FBXW2: variants seen among roughly 807,000 people sequenced by gnomAD.
FBXW2 encodes the protein F-box and WD repeat domain containing 2.
Under a neutral mutation model 46.0 loss-of-function variants are expected in FBXW2, and 12 were observed. The observed-to-expected ratio is 0.26, with a 90% CI of 0.17 to 0.42. FBXW2 has a LOEUF of 0.42. Among genes scored for constraint, FBXW2 ranks in the 10% least tolerant of loss-of-function variants. FBXW2 has a pLI of 1.00. For synonymous variants in FBXW2, 203 were observed against 209.6 expected (o/e 0.97, Z 0.27); for missense variants, 360 against 537.0 (o/e 0.67, Z 3.26).
Position 120,771,421 on chromosome 9 carries a change from C to G in FBXW2, c.1003G>C (p.Asp335His), listed in dbSNP as rs1270412818. Residue 335 changes from aspartate (D) to histidine (H), a missense_variant, in exon 7 of 8, where the codon GAT (aspartate) becomes CAT (histidine). Asp to His is a moderately conservative substitution (Grantham distance 81, BLOSUM62 -1). Coordinates refer to ENST00000608872, the MANE Select transcript of FBXW2 (RefSeq NM_012164.4). The stretch of plus-strand genomic sequence containing the variant: ...GAACTACAGACAATGTATTTGCCAT[C>G]AAAATGAAGTCTTGGCTGCAGGCAG... ...SICLQPRLHF[D>H]GKYIVCSSAL... 6.2e-7 allele frequency: 1 copy of G among 1,614,058 alleles called. No individual in the cohort carries two copies. Among genetic ancestry groups the G allele is most frequent in the African/African-American group, 1.3e-5 (1 of 74,914 alleles).
At chr9:120,773,820 A>C (rs886926974) in intron 5 of FBXW2, among the ~76,000 whole-genome samples, 6 of 152,222 alleles carry the variant, frequency 3.9e-5, no homozygotes, top group Admixed American at 3.9e-4. Context: ...CCAAGACATC[A>C]CCGTCAGTGT....
At chr9:120,793,039 G>C (rs1272797519) in intron 2 of FBXW2, 110 bp downstream of exon 2, 1 of 1,258,222 alleles carries the variant, frequency 7.9e-7, no homozygotes, top group Admixed American at 2.0e-5. Flanking sequence ...GGCAGTAGGA[G>C]GCAGTAACTC....
At chr9:120,791,827 T>C (rs2131389306) in intron 2 of FBXW2, among the ~76,000 whole-genome samples, 1 of 152,248 alleles carries the variant, frequency 6.6e-6, no homozygotes, top group African/African-American at 2.4e-5. Flanking sequence ...TTGGCCCCCT[T>C]ACCCTACGTC....
intron 5 of FBXW2, among the ~76,000 whole-genome samples, chr9:120,773,145 C>T (rs1459064490): frequency 6.6e-6 from 1 of 151,388 alleles, no homozygotes. Context: ...TATGATTGCA[C>T]CACTGCACTC....
rs112844172 is a variant in FBXW2 at position 120,779,036 on chromosome 9, C to T, written c.491-491G>A. 6.0e-3 allele frequency among the ~76,000 whole-genome samples: 911 copies of T among 152,314 alleles called. 14 individuals are homozygous for T. Among genetic ancestry groups the T allele is most frequent in the African/African-American group, 0.02 (844 of 41,560 alleles). ...GCAAGTCAAGGACAAACCTCAGAGC[C>T]TGGGCTAACTTCTGCAAAAGCTAAC... is the stretch of plus-strand genomic sequence containing the variant. On this transcript the variant is annotated intron_variant, in intron 3 of 7. Transcript: ENST00000608872.
In FBXW2 at chr9:120,763,784, T is replaced by TC. The variant is rs1212060629; in HGVS notation, c.*774dup. 6.6e-6 allele frequency: 1 copy of TC among 152,176 alleles called. No homozygotes were observed. The highest frequency in any genetic ancestry group is 2.4e-5 in the African/African-American group (1 of 41,428). 9.4% of individuals were successfully genotyped at this position (152,176 alleles called of 1,614,324 possible). A position where few individuals can be genotyped will look rare whatever the true frequency, so the allele number is the denominator to read the frequency against. ...CTGGGACCCAGAGAGGGTGCAGAGT[T>TC]CCAGGGTAAGAGGCCCGGTCTCTAA... is the stretch of plus-strand genomic sequence containing the variant. On this transcript the variant is annotated 3_prime_UTR_variant, in exon 8 of 8. Transcript: ENST00000608872.
At chr9:120,777,207 T>G (rs2044515296) in intron 4 of FBXW2, among the ~76,000 whole-genome samples, 1 of 152,240 alleles carries the variant, frequency 6.6e-6, no homozygotes. Flanking sequence ...ATCTTAACAT[T>G]GTGGAACATA....
intron 3 of FBXW2, among the ~76,000 whole-genome samples, chr9:120,786,379 T>G (rs1049265826): frequency 6.6e-6 from 1 of 152,210 alleles, no homozygotes; most frequent in African/African-American, 2.4e-5. Flanking sequence ...CCTGCTGCCT[T>G]GTGAACAAGG....
At chr9:120,766,608 A>G (rs12115491) in intron 7 of FBXW2, among the ~76,000 whole-genome samples, 21,819 of 151,866 alleles carry the variant, frequency 0.14, 1,671 homozygotes, top group Middle Eastern at 0.18. Flanking sequence ...GGGATTACAG[A>G]TGCCCGCCAC....
In FBXW2 at chr9:120,764,427, T is replaced by C. The variant is rs963809824; in HGVS notation, c.*132A>G. The C allele has an allele frequency of 3.8e-6, 4 of 1,062,630 alleles. No homozygotes were observed. The African/African-American group carries it at 6.4e-5, about 17-fold the overall frequency. The allele number at this position is 1,062,630 out of a possible 1,614,324, so 65.8% of individuals were successfully genotyped here. On this transcript the variant is annotated 3_prime_UTR_variant, in exon 8 of 8. Coordinates refer to ENST00000608872, the MANE Select transcript of FBXW2 (RefSeq NM_012164.4). ...GCCCTGGCCCCTGGCAAAACATAGA[T>C]AAATGATTGTGCACTGCGTGATGAT...
intron 3 of FBXW2, among the ~76,000 whole-genome samples, chr9:120,779,215 T>C (rs1588039881): frequency 6.6e-6 from 1 of 152,242 alleles, no homozygotes; most frequent in Non-Finnish European, 1.5e-5. Flanking sequence ...CTGCCTCTGA[T>C]GAAAATTCTA....
Position 120,777,346 on chromosome 9 carries a change from G to A in FBXW2, c.685+1005C>T, listed in dbSNP as rs910433154. Among the ~76,000 whole-genome samples, 5 of 152,200 alleles carry A rather than the reference G, an allele frequency of 3.3e-5. No homozygotes were observed. In the East Asian group the frequency reaches 5.8e-4, roughly 18 times the overall value. ...ACAAATAAAATGAAGCAAAAAATAC[G>A]TGTTTTTATTAGCCTAACGGCTAGT... On this transcript the variant is annotated intron_variant, in intron 4 of 7. Transcript: ENST00000608872.
intron 3 of FBXW2, among the ~76,000 whole-genome samples, chr9:120,783,749 C>T (rs2044663868): frequency 6.6e-6 from 1 of 152,138 alleles, no homozygotes. Flanking sequence ...AGTAGGCATC[C>T]CATAAGTAAA....
intron 7 of FBXW2, among the ~76,000 whole-genome samples, chr9:120,769,933 T>C (rs2044341152): frequency 6.6e-6 from 1 of 152,222 alleles, no homozygotes; most frequent in African/African-American, 2.4e-5. Flanking sequence ...TTCTGACAGC[T>C]CTGAAACCTA....
At chr9:120,784,782 G>A (rs555356490) in intron 3 of FBXW2, among the ~76,000 whole-genome samples, 9 of 151,870 alleles carry the variant, frequency 5.9e-5, no homozygotes, top group African/African-American at 2.2e-4. Flanking sequence ...TAGCCGGGCT[G>A]TGGTGGCGCG....
chr9:120,792,994 T>C, intron 2 of FBXW2, 155 bp downstream of exon 2: 1 of 1,527,498 alleles, frequency 6.5e-7, no homozygotes, highest in Non-Finnish European at 8.8e-7. Flanking sequence ...CCCTGGGACA[T>C]CACTGTTAAC....
rs897095042 is a variant in FBXW2 at position 120,762,500 on chromosome 9, C to A, written c.*2059G>T. 1 of 152,134 alleles carries A rather than the reference C, an allele frequency of 6.6e-6. No individual in the cohort carries two copies. The highest frequency in any genetic ancestry group is 1.5e-5 in the Non-Finnish European group (1 of 68,022). 9.4% of individuals were successfully genotyped at this position (152,134 alleles called of 1,614,324 possible). A position where few individuals can be genotyped will look rare whatever the true frequency, so the allele number is the denominator to read the frequency against. Reference sequence around the variant, plus strand: ...AGAACTCAATGTGAGATAGATTAAACCCAGATTTTGTGGGATGGGGGAAGA... The same window carrying A: ...AGAACTCAATGTGAGATAGATTAAAACCAGATTTTGTGGGATGGGGGAAGA... On this transcript the variant is annotated 3_prime_UTR_variant, in exon 8 of 8. Transcript: ENST00000608872.
At chr9:120,789,206 A>C (rs958643529) in intron 2 of FBXW2, among the ~76,000 whole-genome samples, 9 of 152,212 alleles carry the variant, frequency 5.9e-5, no homozygotes, top group Non-Finnish European at 7.3e-5. Context: ...AACAGACTGG[A>C]CGCCAGTGCT....
chr9:120,765,435 A>T (rs923827228), intron 7 of FBXW2, among the ~76,000 whole-genome samples: 1 of 152,228 alleles, frequency 6.6e-6, no homozygotes, highest in African/African-American at 2.4e-5. Flanking sequence ...TATCCAGGCT[A>T]GAAAGGATCT....
Sources: allele counts gnomAD v4.1 joint callset (sites outside exome capture counted in the v4.1 genomes callset), GRCh38; gene constraint gnomAD v4.1.1; transcripts MANE v1.5; gene names NCBI Gene and HGNC (gene_info 2026-07-23, HGNC 2026-07-21).